The following F11 variants were observed in gnomAD, a reference collection of about 807,000 sequenced individuals.
F11 encodes coagulation factor XI.
F11 carries 78 observed loss-of-function variants against 76.5 expected under a neutral mutation model. The observed-to-expected ratio is 1.02, with a 90% confidence interval of 0.85 to 1.23. F11 has a LOEUF of 1.23. Ranked by LOEUF, F11 falls within the 50% of genes most tolerant of loss-of-function variation. F11 has a pLI of 0.00. For synonymous variants in F11, 278 were observed against 276.3 expected (o/e 1.01, Z -0.06); for missense variants, 742 against 771.4 (o/e 0.96, Z 0.45).
Position 186,271,783 on chromosome 4 carries a change from T to A in F11, c.218+12T>A, listed in dbSNP as rs1415024710. The A allele has an allele frequency of 6.2e-7, 1 of 1,614,120 alleles. No homozygotes were observed. The highest frequency in any genetic ancestry group is 8.5e-7 in the Non-Finnish European group (1 of 1,179,946). ...GATCCCACCCGATGGTAAATGCTTA[T>A]GTTTCTACATCGAGGAGACAGATTT... On this transcript the variant is annotated intron_variant, in intron 3 of 14. Transcript: ENST00000403665.
chr4:186,266,924 G>A (rs1739546064), intron 1 of F11, among the ~76,000 whole-genome samples: 1 of 152,054 alleles, frequency 6.6e-6, no homozygotes, highest in Non-Finnish European at 1.5e-5. Flanking sequence ...TCCGGCTTCT[G>A]CAGAGCTGTA....
At chr4:186,278,427 C>T (rs1174040684) in intron 7 of F11, among the ~76,000 whole-genome samples, 1 of 152,154 alleles carries the variant, frequency 6.6e-6, no homozygotes, top group Non-Finnish European at 1.5e-5. Context: ...TATTATGTAT[C>T]AGGCATTGTT....
rs971106406 is a variant in F11 at position 186,271,842 on chromosome 4, A to G, written c.218+71A>G. ...AGATTGCTATTCTTAACACATTTCC[A>G]TCTAACATTTTATAAAATTTAACAT... On this transcript the variant is annotated intron_variant, in intron 3 of 14. Transcript: ENST00000403665. The G allele has an allele frequency of 6.0e-6, 9 of 1,503,132 alleles. 2 individuals carry two copies. In the South Asian group the frequency reaches 1.0e-4, roughly 17 times the overall value. 93.1% of individuals were successfully genotyped at this position (1,503,132 alleles called of 1,614,324 possible).
In F11 at chr4:186,284,218, T is replaced by C. The variant is rs1358171467; in HGVS notation, c.1262T>C (p.Ile421Thr). The change falls in exon 11 of 15, where the codon ATT becomes ACT. Residue 421 changes from isoleucine to threonine, a missense_variant. Transcript: ENST00000403665. ...TQRHLCGGSIIGNQWILTAAH... is the reference protein window; with the variant it reads ...TQRHLCGGSITGNQWILTAAH... Reference sequence around the variant, plus strand: ...AGACACCTGTGTGGAGGCTCCATCATTGGAAACCAGTGGATATTAACAGCC... The same window carrying C: ...AGACACCTGTGTGGAGGCTCCATCACTGGAAACCAGTGGATATTAACAGCC... 6.2e-7 allele frequency: 1 copy of C among 1,614,240 alleles called. No homozygotes were observed. The highest frequency in any genetic ancestry group is 8.5e-7 in the Non-Finnish European group (1 of 1,180,042).
intron 10 of F11, chr4:186,282,074 G>GT: frequency 1.6e-6 from 2 of 1,224,328 alleles, no homozygotes; most frequent in African/African-American, 1.5e-5. Context: ...GCACCATTCT[G>GT]TTGTCTTTCT....
rs117035365 is a variant in F11 at position 186,289,498 on chromosome 4, C to T, written c.*884C>T. On this transcript the variant is annotated 3_prime_UTR_variant, in exon 15 of 15. Transcript: ENST00000403665. ...TACTACAGAGAAAAAACAATTAGGG[C>T]GCAAATGGATAGTTACAGTAAAGTC... Among the ~76,000 whole-genome samples the T allele has an allele frequency of 3.4e-4, 52 of 152,150 alleles. No homozygotes were observed. The East Asian group carries it at 6.4e-3, about 19-fold the overall frequency.
At chr4:186,278,500 G>A (rs1170758389) in intron 7 of F11, among the ~76,000 whole-genome samples, 1 of 152,188 alleles carries the variant, frequency 6.6e-6, no homozygotes, top group Non-Finnish European at 1.5e-5. Flanking sequence ...TTGGACCAGA[G>A]TGGAGATGAG....
In F11 at chr4:186,281,099, C is replaced by T. The variant is rs537719504; in HGVS notation, c.1135+519C>T. ...CTTGAACTCCTGGGCTCAAGCAATC[C>T]TCCCGCTTTGGCCTCCCAAAGTTCT... On this transcript the variant is annotated intron_variant, in intron 10 of 14. Coordinates refer to ENST00000403665, the MANE Select transcript of F11 (RefSeq NM_000128.4). Among the ~76,000 whole-genome samples, 26 of 152,222 alleles carry T rather than the reference C, an allele frequency of 1.7e-4. No homozygotes were observed. In the South Asian group the frequency reaches 5.4e-3, roughly 32 times the overall value.
intron 5 of F11, 62 bp downstream of exon 5, chr4:186,274,337 G>A: frequency 1.9e-6 from 3 of 1,607,202 alleles, no homozygotes; most frequent in Non-Finnish European, 2.6e-6. Flanking sequence ...TTACTAAAAA[G>A]CTTTTGCCAT....
chr4:186,290,513 A>G (rs1741491928), downstream of F11, among the ~76,000 whole-genome samples: 1 of 152,242 alleles, frequency 6.6e-6, no homozygotes, highest in Non-Finnish European at 1.5e-5. Context: ...TTTGGATGTA[A>G]TTTCGGATAA....
chr4:186,284,583 C>T (rs1320539310), intron 11 of F11, among the ~76,000 whole-genome samples: 1 of 152,084 alleles, frequency 6.6e-6, no homozygotes, highest in Non-Finnish European at 1.5e-5. Flanking sequence ...CGGAACTAAA[C>T]TCACAGAGGA....
At position 186,285,718 on chromosome 4, in the gene F11, G is replaced by C; in HGVS notation, c.1385G>C (p.Gly462Ala). 1 of 1,614,026 alleles carries C rather than the reference G, an allele frequency of 6.2e-7. No individual in the cohort carries two copies. ...ATAAAAGAGGACACATCTTTCTTTG[G>C]GGTTCAAGAAATAATAATCCATGAT... ...SEIKEDTSFF[G>A]VQEIIIHDQY... Residue 462 changes from glycine (G) to alanine (A), a missense_variant, in exon 12 of 15, where the codon GGG becomes GCG. Transcript: ENST00000403665.
intron 7 of F11, among the ~76,000 whole-genome samples, chr4:186,276,720 G>A (rs1398263363): frequency 6.6e-6 from 1 of 151,232 alleles, no homozygotes; most frequent in East Asian, 2.0e-4. Context: ...CTGAGTAGCT[G>A]GGACTACAGG....
Position 186,287,716 on chromosome 4 carries a change from A to T in F11, c.1609A>T (p.Ile537Leu), listed in dbSNP as rs199911285. ...ACAAAATACTCTCCAGAAAGCCAAG[A>T]TACCCTTAGTGACCAACGAAGAGTG... The part of the protein sequence containing the change: ...KIQNTLQKAK[I>L]PLVTNEECQK... The change falls in exon 14 of 15, where the codon ATA becomes TTA. Residue 537 changes from isoleucine (I) to leucine (L), a missense_variant. Coordinates refer to ENST00000403665, the MANE Select transcript of F11 (RefSeq NM_000128.4). The T allele has an allele frequency of 3.1e-6, 5 of 1,613,610 alleles. No homozygotes were observed. In the East Asian group the frequency reaches 1.1e-4, roughly 36 times the overall value.
Position 186,284,209 on chromosome 4 carries a change from G to T in F11, c.1253G>T (p.Gly418Val), listed in dbSNP as rs121965071. The change falls in exon 11 of 15, where the codon GGC (glycine) becomes GTC (valine). Residue 418 changes from glycine (G) to valine (V), a missense_variant. Transcript: ENST00000403665. The stretch of plus-strand genomic sequence containing the variant: ...CCCACTCAGAGACACCTGTGTGGAG[G>T]CTCCATCATTGGAAACCAGTGGATA... ...TSPTQRHLCGGSIIGNQWILT... is the reference protein window; with the variant it reads ...TSPTQRHLCGVSIIGNQWILT... 7.4e-6 allele frequency: 12 copies of T among 1,614,114 alleles called. No individual in the cohort carries two copies. Among genetic ancestry groups the T allele is most frequent in the Middle Eastern group, 1.6e-4 (1 of 6,084 alleles).
At chr4:186,283,086 C>T in intron 10 of F11, 1 of 954,710 alleles carries the variant, frequency 1.0e-6, no homozygotes, top group Non-Finnish European at 1.2e-6. Context: ...AGCACATTGA[C>T]ATCACCTGGG....
chr4:186,284,023 C>T, intron 10 of F11, 69 bp from the exon 11 acceptor site: 1 of 1,611,998 alleles, frequency 6.2e-7, no homozygotes, highest in Non-Finnish European at 8.5e-7. Context: ...CTTCTTGTTC[C>T]TGAAGGAGCA....
intron 10 of F11, among the ~76,000 whole-genome samples, chr4:186,283,667 C>G (rs1561489222): frequency 1.3e-5 from 2 of 152,278 alleles, no homozygotes; most frequent in South Asian, 2.1e-4. Context: ...GCCAGCAGGG[C>G]TGGTTCAAAC....
intron 13 of F11, 78 bp from the exon 14 acceptor site, chr4:186,287,606 A>ATATATG: frequency 1.7e-6 from 1 of 604,794 alleles, no homozygotes; most frequent in Non-Finnish European, 2.6e-6. Context: ...ATATATATAT[A>ATATATG]TATTTATATG....
Sources: allele counts gnomAD v4.1 joint callset (sites outside exome capture counted in the v4.1 genomes callset), GRCh38; gene constraint gnomAD v4.1.1; transcripts MANE v1.5; gene names NCBI Gene and HGNC (gene_info 2026-07-23, HGNC 2026-07-21).